Variants in CHST8 observed in about 807,000 individuals in gnomAD.
CHST8 encodes the protein GALNAC-4-ST1.
Under a neutral mutation model 15.0 loss-of-function variants are expected in CHST8, and 10 were observed. The observed-to-expected ratio is 0.67, with a 90% confidence interval of 0.41 to 1.13. The LOEUF (loss-of-function observed/expected upper bound fraction) is 1.13, where lower values mean the gene tolerates loss of function less well. Among genes scored for constraint, CHST8 ranks in the 50% most tolerant of loss-of-function variants. The probability of loss-of-function intolerance (pLI) is 0.00; values close to 1 mark genes in which losing one functional copy is unlikely to be tolerated. For synonymous variants in CHST8, 259 were observed against 256.6 expected, an observed-to-expected ratio of 1.01 and a Z score of -0.09; for missense variants, 634 against 608.2, an observed-to-expected ratio of 1.04 and a Z score of -0.45.
chr19:33,657,151 ACACAC>A lies in CHST8; in HGVS notation c.-163-10615_-163-10611del, dbSNP rs1972518813. On this transcript the variant is annotated intron_variant, in intron 1 of 4. Transcript: ENST00000650847. ...TACACACACACACACACACACACAC[ACACAC>A]AAACACACATATACTTATACACACA... Among the ~76,000 whole-genome samples the A allele has an allele frequency of 3.4e-5, 5 of 147,586 alleles. No homozygotes were observed. In the Admixed American group the frequency reaches 3.4e-4, roughly 10 times the overall value.
intron 3 of CHST8, among the ~76,000 whole-genome samples, chr19:33,763,883 A>G (rs1413577467): frequency 5.3e-5 from 8 of 152,044 alleles, no homozygotes; most frequent in Non-Finnish European, 8.8e-5. Flanking sequence ...GAGAGGAGCC[A>G]GAGAAGGTGT....
chr19:33,771,767 AC>A (rs949265446), intron 4 of CHST8, among the ~76,000 whole-genome samples, 189 bp from the exon 5 acceptor site: 1 of 151,836 alleles, frequency 6.6e-6, no homozygotes, highest in African/African-American at 2.4e-5. Context: ...TGACACTTAC[AC>A]CTCAGCGGGA....
At chr19:33,668,576 CAG>C (rs1972693740) in intron 2 of CHST8, among the ~76,000 whole-genome samples, 1 of 152,110 alleles carries the variant, frequency 6.6e-6, no homozygotes, top group Non-Finnish European at 1.5e-5. Flanking sequence ...AAGAACAGAT[CAG>C]GTGACCCTCT....
At chr19:33,766,902 C>T (rs549478966) in intron 3 of CHST8, among the ~76,000 whole-genome samples, 51 of 152,366 alleles carry the variant, frequency 3.3e-4, no homozygotes, top group African/African-American at 1.1e-3. Flanking sequence ...GCCACACAAA[C>T]GGCCCCATCA....
At chr19:33,714,250 T>G (rs1274840238) in intron 3 of CHST8, among the ~76,000 whole-genome samples, 1 of 152,094 alleles carries the variant, frequency 6.6e-6, no homozygotes, top group Non-Finnish European at 1.5e-5. Context: ...GGAATCAACC[T>G]AAATGTCCAC....
At position 33,772,111 on chromosome 19, in the gene CHST8, G is replaced by A. The variant is rs1483377887; in HGVS notation, c.323G>A (p.Arg108His). 1.2e-5 allele frequency: 19 copies of A among 1,611,200 alleles called. No homozygotes were observed. Among genetic ancestry groups the A allele is most frequent in the Non-Finnish European group, 1.6e-5 (19 of 1,179,232 alleles). Residue 108 changes from arginine (R) to histidine (H), a missense_variant, in exon 5 of 5, where the codon CGC becomes CAC. Coordinates refer to ENST00000650847, the MANE Select transcript of CHST8 (RefSeq NM_001127895.2). ...PLQRGTRLRL[R>H]QRRRRLLIKK... ...CAGAGGGGAACCCGTCTGCGGCTCC[G>A]CCAGCGCCGTCGCCGTCTGCTCATC... is the stretch of plus-strand genomic sequence containing the variant.
chr19:33,763,467 G>A (rs1045774380), intron 3 of CHST8, among the ~76,000 whole-genome samples: 35 of 152,334 alleles, frequency 2.3e-4, no homozygotes, highest in African/African-American at 8.4e-4. Flanking sequence ...CAGGGCCCAG[G>A]AACAGCCGGC....
intron 2 of CHST8, chr19:33,684,867 T>A (rs897260300): frequency 1.3e-5 from 2 of 152,106 alleles, no homozygotes; most frequent in Admixed American, 1.3e-4. Flanking sequence ...GTGACGGCAG[T>A]GCCTGGCTCC....
chr19:33,687,611 GC>G (rs1464577536), intron 2 of CHST8, among the ~76,000 whole-genome samples: 1 of 152,230 alleles, frequency 6.6e-6, no homozygotes, highest in East Asian at 1.9e-4. Context: ...GTGCGGAGAG[GC>G]CTGGGGCGGG....
intron 1 of CHST8, among the ~76,000 whole-genome samples, chr19:33,627,107 G>T (rs2377078): frequency 1.2e-4 from 14 of 113,522 alleles, no homozygotes; most frequent in African/African-American, 3.6e-4. Context: ...TTGGGGGGGG[G>T]GCGGGTGGGG....
At chr19:33,722,934 G>C (rs1045188722) in intron 3 of CHST8, among the ~76,000 whole-genome samples, 7 of 152,240 alleles carry the variant, frequency 4.6e-5, no homozygotes, top group African/African-American at 9.6e-5. Flanking sequence ...TCTATCAAGT[G>C]CTGAGTGACA....
At chr19:33,754,149 GC>G (rs1974499348) in intron 3 of CHST8, among the ~76,000 whole-genome samples, 1 of 138,478 alleles carries the variant, frequency 7.2e-6, no homozygotes, top group East Asian at 2.2e-4. Context: ...ACATCAGTGT[GC>G]CCCCCGTGTG....
At position 33,772,526 on chromosome 19, in the gene CHST8, C is replaced by G; in HGVS notation, c.738C>G (p.His246Gln). The G allele has an allele frequency of 6.2e-7, 1 of 1,614,012 alleles. No individual in the cohort carries two copies. Among genetic ancestry groups the G allele is most frequent in the Non-Finnish European group, 8.5e-7 (1 of 1,180,016 alleles). Residue 246 changes from histidine to glutamine, a missense_variant, in exon 5 of 5, where the codon CAC (histidine) becomes CAG (glutamine). Physicochemically the swap from His to Gln is conservative, Grantham distance 24. Coordinates refer to ENST00000650847, the MANE Select transcript of CHST8 (RefSeq NM_001127895.2). ...CCTTCGACCGCCAGGGTATCTTGCA[C>G]CGTCTCAGCACCTACACCAAGATGC... ...LDTFDRQGILHRLSTYTKMLF... is the reference protein window; with the variant it reads ...LDTFDRQGILQRLSTYTKMLF...
At chr19:33,651,647 G>T (rs1189326238) in intron 1 of CHST8, among the ~76,000 whole-genome samples, 3 of 152,102 alleles carry the variant, frequency 2.0e-5, no homozygotes, top group Non-Finnish European at 2.9e-5. Context: ...TTTGACTCAT[G>T]AATTATTTGG....
Position 33,772,040 on chromosome 19 carries a change from G to C in CHST8, c.252G>C (p.Pro84=), listed in dbSNP as rs373583449. Residue 84 remains proline (P), a synonymous_variant, in exon 5 of 5, where the codon CCG becomes CCC. Coordinates refer to ENST00000650847, the MANE Select transcript of CHST8 (RefSeq NM_001127895.2). The part of the protein sequence containing the change: ...RVTRDLSSGA[P]RGRNLPAPDQ... ...CTCGGGACTTATCCAGTGGGGCCCC[G>C]AGGGGCCGCAACCTGCCAGCGCCTG... 3 of 1,612,160 alleles carry C rather than the reference G, an allele frequency of 1.9e-6. No individual in the cohort carries two copies. The highest frequency in any genetic ancestry group is 4.5e-5 in the East Asian group (2 of 44,858).
intron 2 of CHST8, among the ~76,000 whole-genome samples, chr19:33,687,926 AC>A (rs1230758330): frequency 6.6e-6 from 1 of 152,180 alleles, no homozygotes; most frequent in Non-Finnish European, 1.5e-5. Context: ...TTAAACAGCC[AC>A]CCAGCTGTGG....
chr19:33,759,382 C>T (rs1157176658), intron 3 of CHST8, among the ~76,000 whole-genome samples: 3 of 152,326 alleles, frequency 2.0e-5, no homozygotes, highest in Admixed American at 6.5e-5. Context: ...CAAGAGGAGG[C>T]GTTGACATCC....
At chr19:33,708,217 T>G (rs570300578) in intron 3 of CHST8, among the ~76,000 whole-genome samples, 62 of 152,336 alleles carry the variant, frequency 4.1e-4, no homozygotes, top group African/African-American at 1.4e-3. Flanking sequence ...TCTTCTGGAG[T>G]GGAAAAGTTT....
chr19:33,638,072 C>T (rs1264651650), intron 1 of CHST8, among the ~76,000 whole-genome samples: 1 of 152,008 alleles, frequency 6.6e-6, no homozygotes, highest in African/African-American at 2.4e-5. Flanking sequence ...ATGGATCTTC[C>T]CTGCATAGCT....
Sources: allele counts gnomAD v4.1 joint callset (sites outside exome capture counted in the v4.1 genomes callset), GRCh38; gene constraint gnomAD v4.1.1; transcripts MANE v1.5; gene names NCBI Gene and HGNC (gene_info 2026-07-23, HGNC 2026-07-21).